The following MYO1E variants were observed in gnomAD, a reference collection of about 807,000 sequenced individuals.
The protein encoded by MYO1E is unconventional myosin-Ie.
In MYO1E, 68 loss-of-function variants were observed where a neutral mutation model predicts 151.1. The ratio of observed to expected loss-of-function variants is 0.45; its 90% CI spans 0.37 to 0.55. The LOEUF is 0.55. Ranked by LOEUF, MYO1E falls within the 20% of genes least tolerant of loss-of-function variation. The pLI, the probability that MYO1E is intolerant of heterozygous loss-of-function variation, is 0.00. For synonymous variants in MYO1E, 601 were observed against 501.7 expected (o/e 1.20, Z -2.64); for missense variants, 1,363 against 1,389.3 (o/e 0.98, Z 0.30).
rs553155740 is a variant in MYO1E at position 59,259,888 on chromosome 15, T to G, written c.237+1532A>C. Among the ~76,000 whole-genome samples, 212 of 152,246 alleles carry G rather than the reference T, an allele frequency of 1.4e-3. 2 individuals carry two copies. The highest frequency in any genetic ancestry group is 2.6e-3 in the Non-Finnish European group (176 of 68,036). Reference sequence around the variant, plus strand: ...TGACTTCAACTCCTAGCTCCATCACTCAGTAGATTTTAGTACTTCATCTCT... The same window carrying G: ...TGACTTCAACTCCTAGCTCCATCACGCAGTAGATTTTAGTACTTCATCTCT... On this transcript the variant is annotated intron_variant, in intron 3 of 27. Transcript: ENST00000288235.
At chr15:59,237,415 A>G (rs1325878764) in intron 4 of MYO1E, among the ~76,000 whole-genome samples, 2 of 152,212 alleles carry the variant, frequency 1.3e-5, no homozygotes, top group Non-Finnish European at 2.9e-5. Context: ...CCTTTTGTTA[A>G]TAATATATAG....
chr15:59,292,195 T>C (rs2080423695), intron 1 of MYO1E, among the ~76,000 whole-genome samples: 1 of 152,234 alleles, frequency 6.6e-6, no homozygotes, highest in African/African-American at 2.4e-5. Context: ...GATTACATTC[T>C]TTTTAAAGAA....
intron 1 of MYO1E, among the ~76,000 whole-genome samples, chr15:59,309,254 G>A (rs1325964266): frequency 6.6e-6 from 1 of 152,180 alleles, no homozygotes; most frequent in African/African-American, 2.4e-5. Context: ...TATCCTCAGA[G>A]TAATGCTACA....
At chr15:59,344,111 T>C (rs902772720) in intron 1 of MYO1E, among the ~76,000 whole-genome samples, 1 of 152,348 alleles carries the variant, frequency 6.6e-6, no homozygotes, top group East Asian at 1.9e-4. Context: ...GAATTTATTG[T>C]AGGCTTCACA....
In MYO1E at chr15:59,205,503, G is replaced by C. The variant is rs774416186; in HGVS notation, c.1531-18C>G. 1 of 1,524,558 alleles carries C rather than the reference G, an allele frequency of 6.6e-7. No homozygotes were observed. Among genetic ancestry groups the C allele is most frequent in the African/African-American group, 1.6e-5 (1 of 62,726 alleles). 94.4% of individuals were successfully genotyped at this position (1,524,558 alleles called of 1,614,324 possible). Reference sequence around the variant, plus strand: ...TAGGATACCTGGCCAAGAATGGAAAGAAATCGAATTTCATTGAACAAAATG... The same window carrying C: ...TAGGATACCTGGCCAAGAATGGAAACAAATCGAATTTCATTGAACAAAATG... On this transcript the variant is annotated intron_variant, in intron 14 of 27. Transcript: ENST00000288235.
intron 9 of MYO1E, among the ~76,000 whole-genome samples, chr15:59,218,955 G>C (rs1353182648): frequency 2.6e-5 from 4 of 152,222 alleles, no homozygotes; most frequent in Non-Finnish European, 5.9e-5. Context: ...GGTTAGGACA[G>C]ATTCCAATGC....
chr15:59,311,822 G>T lies in MYO1E; in HGVS notation c.4-39373C>A, dbSNP rs187804040. On this transcript the variant is annotated intron_variant, in intron 1 of 27. Transcript: ENST00000288235. ...AATGGATGCTGTTATTGTGGGAGTG[G>T]GTTTGTTTTAAAAGTGAGTGTGGCC... Among the ~76,000 whole-genome samples the T allele has an allele frequency of 5.1e-3, 780 of 152,218 alleles. 5 individuals are homozygous for T. Among genetic ancestry groups the T allele is most frequent in the African/African-American group, 0.018 (743 of 41,534 alleles).
intron 4 of MYO1E, among the ~76,000 whole-genome samples, chr15:59,254,097 A>C (rs962764761): frequency 1.3e-5 from 2 of 152,120 alleles, no homozygotes; most frequent in South Asian, 4.2e-4. Context: ...AGATACTATA[A>C]AAGAATTCTT....
intron 7 of MYO1E, among the ~76,000 whole-genome samples, chr15:59,225,127 T>C (rs570907111): frequency 6.6e-6 from 1 of 152,340 alleles, no homozygotes; most frequent in African/African-American, 2.4e-5. Context: ...CTGCCCAACT[T>C]GCTATGGCTT....
intron 5 of MYO1E, among the ~76,000 whole-genome samples, chr15:59,235,145 T>C (rs2080054684): frequency 6.6e-6 from 1 of 152,210 alleles, no homozygotes; most frequent in African/African-American, 2.4e-5. Context: ...CTTTACACTC[T>C]TTAATCTCTC....
chr15:59,261,820 CAA>C (rs1365527308), intron 2 of MYO1E, among the ~76,000 whole-genome samples: 1 of 152,046 alleles, frequency 6.6e-6, no homozygotes, highest in African/African-American at 2.4e-5. Context: ...GAAAAATGGC[CAA>C]AGAGTGAAAA....
At chr15:59,354,347 G>C (rs559197702) in intron 1 of MYO1E, among the ~76,000 whole-genome samples, 41 of 152,330 alleles carry the variant, frequency 2.7e-4, no homozygotes, top group Middle Eastern at 3.4e-3. Flanking sequence ...AACCAGAACA[G>C]ACACAACCTT....
intron 1 of MYO1E, among the ~76,000 whole-genome samples, chr15:59,291,747 A>G (rs2080421029): frequency 6.6e-6 from 1 of 150,768 alleles, no homozygotes; most frequent in Non-Finnish European, 1.5e-5. Flanking sequence ...ATTAACAAAA[A>G]GAGAAATAGC....
At chr15:59,208,490 TAA>T in intron 14 of MYO1E, 189 bp downstream of exon 14, 1 of 685,194 alleles carries the variant, frequency 1.5e-6, no homozygotes, top group Admixed American at 2.8e-5. Flanking sequence ...TTCTACAATG[TAA>T]AAATAAATGT....
chr15:59,305,361 T>C (rs1183335341), intron 1 of MYO1E, among the ~76,000 whole-genome samples: 4 of 152,004 alleles, frequency 2.6e-5, no homozygotes, highest in Admixed American at 2.6e-4. Context: ...GCCCGGCTAA[T>C]TTTTTGTATT....
At chr15:59,308,596 C>T (rs1274804471) in intron 1 of MYO1E, among the ~76,000 whole-genome samples, 2 of 150,870 alleles carry the variant, frequency 1.3e-5, no homozygotes, top group African/African-American at 4.9e-5. Context: ...CACTTGAACC[C>T]GGGAGGTGGA....
intron 1 of MYO1E, among the ~76,000 whole-genome samples, chr15:59,273,771 T>TCCC (rs2080302215): frequency 6.6e-6 from 1 of 152,174 alleles, no homozygotes; most frequent in Admixed American, 6.5e-5. Context: ...TGGAAGATCC[T>TCCC]CCCTTACCTT....
intron 1 of MYO1E, among the ~76,000 whole-genome samples, chr15:59,344,760 C>G (rs1360012866): frequency 1.3e-5 from 2 of 152,214 alleles, no homozygotes; most frequent in Non-Finnish European, 2.9e-5. Flanking sequence ...GCAGGTATCT[C>G]TTCCCGTGTT....
At chr15:59,171,789 T>G in intron 22 of MYO1E, 108 bp downstream of exon 22, 1 of 1,401,130 alleles carries the variant, frequency 7.1e-7, no homozygotes, top group Non-Finnish European at 1.0e-6. Flanking sequence ...GATCATGATT[T>G]TGACAGCTGG....
Sources: gnomAD v4.1 joint callset for allele counts (sites outside exome capture counted in the v4.1 genomes callset) on GRCh38, gnomAD v4.1.1 for gene constraint, MANE v1.5 for transcripts, NCBI Gene and HGNC (gene_info 2026-07-23, HGNC 2026-07-21) for gene names.